Variants in ZNF609 observed in about 807,000 individuals in gnomAD.
ZNF609 encodes the protein zinc finger protein 609.
ZNF609 carries 11 observed loss-of-function variants against 109.5 expected under a neutral mutation model. The ratio of observed to expected loss-of-function variants is 0.10; its 90% confidence interval spans 0.06 to 0.17. ZNF609 has a LOEUF of 0.17. Among genes scored for constraint, ZNF609 ranks in the 10% least tolerant of loss-of-function variants. The pLI is 1.00. For missense variants in ZNF609, 1,559 were observed against 1,772.4 expected (o/e 0.88, Z 2.16); for synonymous variants, 646 against 662.0 (o/e 0.98, Z 0.37).
intron 1 of ZNF609, among the ~76,000 whole-genome samples, chr15:64,478,004 A>G (rs1211365738): frequency 6.6e-6 from 1 of 152,132 alleles, no homozygotes; most frequent in Non-Finnish European, 1.5e-5. Flanking sequence ...GTTACACTAT[A>G]TGCCATTTGA....
chr15:64,480,541 A>T (rs1013862873), intron 1 of ZNF609, among the ~76,000 whole-genome samples: 1 of 152,114 alleles, frequency 6.6e-6, no homozygotes, highest in African/African-American at 2.4e-5. Context: ...CAAAAAAAAA[A>T]ACAAAAAAAG....
intron 2 of ZNF609, among the ~76,000 whole-genome samples, chr15:64,514,935 C>A (rs529985190): frequency 9.9e-5 from 15 of 152,006 alleles, no homozygotes; most frequent in Non-Finnish European, 1.9e-4. Context: ...CTGCGCCCAC[C>A]CTTTTTTTTA....
chr15:64,528,104 CTT>C (rs745359629), intron 2 of ZNF609, among the ~76,000 whole-genome samples: 3 of 144,608 alleles, frequency 2.1e-5, no homozygotes, highest in African/African-American at 2.5e-5. Flanking sequence ...ATCCTGGCTC[CTT>C]TTTTTTTTTG....
At chr15:64,582,706 TTC>T (rs1895125932) in intron 2 of ZNF609, among the ~76,000 whole-genome samples, 1 of 126,062 alleles carries the variant, frequency 7.9e-6, no homozygotes, top group South Asian at 2.5e-4. Flanking sequence ...CACTCTTTCT[TTC>T]TTTCTTTCTT....
chr15:64,545,490 C>G (rs559772904), intron 2 of ZNF609, among the ~76,000 whole-genome samples: 1 of 152,310 alleles, frequency 6.6e-6, no homozygotes, highest in African/African-American at 2.4e-5. Context: ...TTAGCCAACA[C>G]ACTTCGCCAG....
At chr15:64,480,464 G>A (rs1453648279) in intron 1 of ZNF609, among the ~76,000 whole-genome samples, 2 of 151,590 alleles carry the variant, frequency 1.3e-5, no homozygotes, top group African/African-American at 4.9e-5. Flanking sequence ...CCAGGAGGCG[G>A]AAGTTGCAGT....
At chr15:64,500,477 T>G in intron 2 of ZNF609, 1 of 637,836 alleles carries the variant, frequency 1.6e-6, no homozygotes, top group Non-Finnish European at 2.8e-6. Flanking sequence ...CCTCAGACAC[T>G]TGTTGGTAGA....
intron 2 of ZNF609, among the ~76,000 whole-genome samples, chr15:64,571,643 C>G (rs1200236393): frequency 6.6e-6 from 1 of 152,086 alleles, no homozygotes; most frequent in Admixed American, 6.6e-5. Flanking sequence ...GAACAGGATT[C>G]AAACTCTCTA....
chr15:64,577,078 A>AC (rs1894985514), intron 2 of ZNF609, among the ~76,000 whole-genome samples: 4 of 105,252 alleles, frequency 3.8e-5, no homozygotes, highest in Non-Finnish European at 8.1e-5. Context: ...ATATACACAA[A>AC]TATATACATA....
At chr15:64,526,242 T>G (rs1893966417) in intron 2 of ZNF609, among the ~76,000 whole-genome samples, 1 of 152,150 alleles carries the variant, frequency 6.6e-6, no homozygotes, top group African/African-American at 2.4e-5. Flanking sequence ...GATTTCATAT[T>G]TGGATTATTC....
At chr15:64,559,455 A>T (rs1360552666) in intron 2 of ZNF609, among the ~76,000 whole-genome samples, 1 of 152,200 alleles carries the variant, frequency 6.6e-6, no homozygotes, top group African/African-American at 2.4e-5. Flanking sequence ...TTGGTAGCCA[A>T]GTTGGAATCT....
At chr15:64,603,997 C>CAA (rs34675102) in intron 2 of ZNF609, among the ~76,000 whole-genome samples, 195 of 65,044 alleles carry the variant, frequency 3.0e-3, no homozygotes, top group South Asian at 4.6e-3. Context: ...GACTCCGTCT[C>CAA]AAAAAAAAAA....
chr15:64,582,695 TC>T (rs1216450970), intron 2 of ZNF609, among the ~76,000 whole-genome samples: 1 of 149,224 alleles, frequency 6.7e-6, no homozygotes, highest in African/African-American at 2.5e-5. Context: ...CCCTATCCAT[TC>T]ACTCTTTCTT....
At chr15:64,615,255 A>G (rs1340049931) in intron 2 of ZNF609, among the ~76,000 whole-genome samples, 1 of 151,866 alleles carries the variant, frequency 6.6e-6, no homozygotes, top group African/African-American at 2.4e-5. Flanking sequence ...CAGTTCTTTC[A>G]TCTCAGCCTC....
intron 2 of ZNF609, among the ~76,000 whole-genome samples, chr15:64,616,806 A>ACTGCGT: frequency 9.7e-6 from 1 of 102,708 alleles, no homozygotes; most frequent in African/African-American, 3.8e-5. Flanking sequence ...GGTGTGAGCC[A>ACTGCGT]CCATGCTTTT....
chr15:64,576,127 A>G (rs954637528), intron 2 of ZNF609, among the ~76,000 whole-genome samples: 1 of 152,126 alleles, frequency 6.6e-6, no homozygotes, highest in Non-Finnish European at 1.5e-5. Context: ...TAATTACTTG[A>G]TATACTTGAA....
At chr15:64,623,866 T>C (rs1895913882) in intron 3 of ZNF609, among the ~76,000 whole-genome samples, 1 of 152,180 alleles carries the variant, frequency 6.6e-6, no homozygotes, top group African/African-American at 2.4e-5. Context: ...AGAGTATATG[T>C]GGTTAGAGAG....
intron 2 of ZNF609, among the ~76,000 whole-genome samples, chr15:64,565,829 T>G (rs1049877653): frequency 2.6e-5 from 4 of 152,108 alleles, no homozygotes; most frequent in Admixed American, 6.5e-5. Flanking sequence ...ATTCTTTAAT[T>G]GAAGTACTTT....
Position 64,678,353 on chromosome 15 carries a change from G to A in ZNF609, c.3640G>A (p.Val1214Met). ...GCCCCGGCCAAGTGTCCATGTGCCT[G>A]TGTCCTCCCCACTTACCCAGCACCA... ...KEPRPSVHVP[V>M]SSPLTQHQSY... The change falls in exon 6 of 10, where the codon GTG becomes ATG. Residue 1214 changes from valine (V) to methionine (M), a missense_variant. Val to Met is a conservative substitution (Grantham distance 21). Coordinates refer to ENST00000326648, the MANE Select transcript of ZNF609 (RefSeq NM_015042.2). 2 of 1,614,086 alleles carry A rather than the reference G, an allele frequency of 1.2e-6. No individual in the cohort carries two copies. Among genetic ancestry groups the A allele is most frequent in the Non-Finnish European group, 8.5e-7 (1 of 1,180,006 alleles).
Sources: gnomAD v4.1 joint callset for allele counts (sites outside exome capture counted in the v4.1 genomes callset) on GRCh38, gnomAD v4.1.1 for gene constraint, MANE v1.5 for transcripts, NCBI Gene and HGNC (gene_info 2026-07-23, HGNC 2026-07-21) for gene names.